The following PPP1R37 variants were observed in gnomAD, a reference collection of about 807,000 sequenced individuals.
PPP1R37 encodes protein phosphatase 1 regulatory subunit 37.
A neutral mutation model predicts 61.0 loss-of-function variants in PPP1R37; 21 were observed. The ratio of observed to expected loss-of-function variants is 0.34; its 90% CI spans 0.24 to 0.50. The LOEUF (loss-of-function observed/expected upper bound fraction) is 0.50. PPP1R37 is among the 20% of genes least tolerant of loss of function. The pLI is 0.98. For synonymous variants in PPP1R37, 443 were observed against 433.5 expected, an observed-to-expected ratio of 1.02 and a Z score of -0.27; for missense variants, 910 against 952.7, an observed-to-expected ratio of 0.96 and a Z score of 0.59.
chr19:45,103,380 G>T (rs1328385649), intron 1 of PPP1R37, among the ~76,000 whole-genome samples: 1 of 152,216 alleles, frequency 6.6e-6, no homozygotes, highest in Non-Finnish European at 1.5e-5. Context: ...GGCTGGTTGG[G>T]TTCCAGCTGG....
At chr19:45,127,006 G>A (rs114400190) in intron 1 of PPP1R37, among the ~76,000 whole-genome samples, 3,632 of 152,240 alleles carry the variant, frequency 0.024, 141 homozygotes, top group African/African-American at 0.083. Flanking sequence ...TCTGAGAACT[G>A]CGTCGTTAGG....
At chr19:45,104,681 C>A (rs1968107249) in intron 1 of PPP1R37, among the ~76,000 whole-genome samples, 1 of 152,112 alleles carries the variant, frequency 6.6e-6, no homozygotes, top group African/African-American at 2.4e-5. Flanking sequence ...CTTGTGACCT[C>A]CCTGCTGCCT....
chr19:45,123,980 T>G (rs1968371639), intron 1 of PPP1R37, among the ~76,000 whole-genome samples: 1 of 152,176 alleles, frequency 6.6e-6, no homozygotes, highest in South Asian at 2.1e-4. Context: ...CTCTGTCCGC[T>G]CACTCACCTT....
At chr19:45,118,117 C>T (rs1968293903) in intron 1 of PPP1R37, among the ~76,000 whole-genome samples, 1 of 152,238 alleles carries the variant, frequency 6.6e-6, no homozygotes, top group African/African-American at 2.4e-5. Context: ...GCCTGGGCTT[C>T]CAACTGCCTA....
chr19:45,104,137 C>T (rs1254495453), intron 1 of PPP1R37, among the ~76,000 whole-genome samples: 1 of 152,202 alleles, frequency 6.6e-6, no homozygotes, highest in Non-Finnish European at 1.5e-5. Flanking sequence ...TCCTGACCAA[C>T]TCCCCCTCCC....
Position 45,138,547 on chromosome 19 carries a change from C to T in PPP1R37, c.236C>T (p.Ala79Val). The change falls in exon 2 of 13, where the codon GCC becomes GTC. Residue 79 changes from alanine (A) to valine (V), a missense_variant. This residue lies in a region of PPP1R37 where 280 missense variants were observed against 382.2 expected (regional missense o/e 0.73). Transcript: ENST00000221462. ...QNVTVDEVIG[A>V]YKQACQKLNC... ...GTGACCGTGGACGAGGTCATCGGCGCCTACAAGCAGGCCTGCCAGAAGCTG... is the reference window on the plus strand; with the variant it reads ...GTGACCGTGGACGAGGTCATCGGCGTCTACAAGCAGGCCTGCCAGAAGCTG... 1 of 1,535,992 alleles carries T rather than the reference C, an allele frequency of 6.5e-7. No individual in the cohort carries two copies. The highest frequency in any genetic ancestry group is 8.7e-7 in the Non-Finnish European group (1 of 1,146,862).
intron 1 of PPP1R37, among the ~76,000 whole-genome samples, chr19:45,118,355 A>T (rs1968297095): frequency 6.6e-6 from 1 of 152,088 alleles, no homozygotes; most frequent in Non-Finnish European, 1.5e-5. Flanking sequence ...GTGGCCACGG[A>T]GCTGACTTTG....
intron 1 of PPP1R37, among the ~76,000 whole-genome samples, chr19:45,123,199 T>G (rs765895432): frequency 6.6e-6 from 1 of 151,756 alleles, no homozygotes; most frequent in African/African-American, 2.4e-5. Flanking sequence ...AGCTGGCTTG[T>G]GGGGGATTGG....
At chr19:45,144,773 C>G in intron 8 of PPP1R37, 81 bp from the exon 9 acceptor site, 2 of 1,270,844 alleles carry the variant, frequency 1.6e-6, no homozygotes, top group African/African-American at 1.5e-5. Flanking sequence ...GGCTCTCTTC[C>G]CGGCTTCTTT....
chr19:45,143,167 C>G (rs937063193), intron 7 of PPP1R37: 3 of 222,092 alleles, frequency 1.4e-5, no homozygotes, highest in Admixed American at 5.3e-5. Flanking sequence ...TCTAGAGAGA[C>G]AACGATAAGA....
chr19:45,103,288 G>A (rs1156758999), intron 1 of PPP1R37, among the ~76,000 whole-genome samples: 1 of 152,214 alleles, frequency 6.6e-6, no homozygotes, highest in Non-Finnish European at 1.5e-5. Flanking sequence ...CATCCGCACA[G>A]CTCATGTGAC....
At chr19:45,132,077 A>G (rs1264866380) in intron 1 of PPP1R37, among the ~76,000 whole-genome samples, 2 of 152,112 alleles carry the variant, frequency 1.3e-5, no homozygotes, top group African/African-American at 2.4e-5. Flanking sequence ...CACACACCCA[A>G]ACACATGTGT....
Position 45,119,858 on chromosome 19 carries a change from G to GC in PPP1R37, c.203-18654dup, listed in dbSNP as rs532696598. ...CGCACAACCTTGCTGTTTGAAGGAG[G>GC]CCGCCGCCCCAGGAGGGGCTTTAGG... On this transcript the variant is annotated intron_variant, in intron 1 of 12. Transcript: ENST00000221462. Among the ~76,000 whole-genome samples, 327 of 152,278 alleles carry GC rather than the reference G, an allele frequency of 2.1e-3. 1 individual carries two copies. Among genetic ancestry groups the GC allele is most frequent in the African/African-American group, 7.6e-3 (314 of 41,558 alleles).
At chr19:45,110,991 C>T (rs765402832) in intron 1 of PPP1R37, among the ~76,000 whole-genome samples, 3 of 152,134 alleles carry the variant, frequency 2.0e-5, no homozygotes, top group Admixed American at 6.5e-5. Context: ...CCCCCTTTCC[C>T]GAGCCTGGCC....
intron 8 of PPP1R37, 119 bp from the exon 9 acceptor site, chr19:45,144,735 G>A (rs1049150693): frequency 2.4e-6 from 2 of 827,014 alleles, no homozygotes; most frequent in Non-Finnish European, 3.6e-6. Context: ...TCACGCAGGC[G>A]CGCGAAAGAA....
At chr19:45,100,987 G>A (rs765601578) in intron 1 of PPP1R37, among the ~76,000 whole-genome samples, 10 of 152,232 alleles carry the variant, frequency 6.6e-5, no homozygotes, top group South Asian at 2.1e-4. Flanking sequence ...TGGTGACCCC[G>A]TAACCAGTCA....
intron 1 of PPP1R37, among the ~76,000 whole-genome samples, chr19:45,124,504 C>T (rs1227084622): frequency 6.6e-6 from 1 of 152,178 alleles, no homozygotes; most frequent in South Asian, 2.1e-4. Context: ...CCTGACTCTA[C>T]CTGTCTGCCT....
intron 1 of PPP1R37, among the ~76,000 whole-genome samples, chr19:45,131,832 T>C (rs925455433): frequency 1.3e-5 from 2 of 152,202 alleles, no homozygotes; most frequent in African/African-American, 4.8e-5. Flanking sequence ...TTTTCTCCAT[T>C]TGTGTCTCCT....
At position 45,145,459 on chromosome 19, in the gene PPP1R37, C is replaced by A; in HGVS notation, c.1403C>A (p.Pro468Gln). 6.5e-7 allele frequency: 1 copy of A among 1,535,128 alleles called. No homozygotes were observed. Among genetic ancestry groups the A allele is most frequent in the South Asian group, 1.2e-5 (1 of 84,038 alleles). The change falls in exon 11 of 13, where the codon CCA becomes CAA. Residue 468 changes from proline (P) to glutamine (Q), a missense_variant. Physicochemically the swap from Pro to Gln is moderately conservative, Grantham distance 76. Coordinates refer to ENST00000221462, the MANE Select transcript of PPP1R37 (RefSeq NM_019121.2). ...AREREEKEQP[P>Q]QLSASMPETT... ...GAGAGGGAGGAGAAGGAGCAGCCGC[C>A]ACAGCTGTCGGCCTCCATGCCTGAG...
Sources: allele counts gnomAD v4.1 joint callset (sites outside exome capture counted in the v4.1 genomes callset), GRCh38; gene constraint gnomAD v4.1.1; regional missense constraint gnomAD v4.1.1; transcripts MANE v1.5; gene names NCBI Gene and HGNC (gene_info 2026-07-23, HGNC 2026-07-21).